The following RBM33 variants were observed in gnomAD, a reference collection of about 807,000 sequenced individuals.
RBM33 encodes RNA-binding protein 33.
RBM33 carries 28 observed loss-of-function variants against 132.6 expected under a neutral mutation model. The ratio of observed to expected loss-of-function variants is 0.21; its 90% CI spans 0.16 to 0.29. The LOEUF (loss-of-function observed/expected upper bound fraction) is 0.29. Among genes scored for constraint, RBM33 ranks in the 10% least tolerant of loss-of-function variants. RBM33 has a pLI of 1.00. For synonymous variants in RBM33, 634 were observed against 593.0 expected (o/e 1.07, Z -1.01); for missense variants, 1,291 against 1,518.5 (o/e 0.85, Z 2.49).
At chr7:155,729,621 C>A (rs186451764) in intron 9 of RBM33, among the ~76,000 whole-genome samples, 2 of 151,520 alleles carry the variant, frequency 1.3e-5, no homozygotes, top group African/African-American at 4.9e-5. Flanking sequence ...CCTGTAGTCC[C>A]GGGTTCTCTG....
intron 13 of RBM33, 82 bp downstream of exon 13, chr7:155,742,188 C>A: frequency 7.8e-7 from 1 of 1,285,484 alleles, no homozygotes; most frequent in Non-Finnish European, 1.0e-6. Flanking sequence ...TTCACTCTCA[C>A]TAAGTTATTC....
intron 6 of RBM33, among the ~76,000 whole-genome samples, chr7:155,703,569 G>C (rs947748676): frequency 3.4e-4 from 52 of 152,186 alleles, no homozygotes; most frequent in African/African-American, 1.2e-3. Flanking sequence ...TTGGAAACAT[G>C]AGTTTCAGAT....
chr7:155,721,803 G>A (rs1418261692), intron 9 of RBM33, among the ~76,000 whole-genome samples: 3 of 151,950 alleles, frequency 2.0e-5, no homozygotes, highest in Non-Finnish European at 1.5e-5. Context: ...TGGTATTCTG[G>A]GCTTTGCTTG....
chr7:155,701,082 G>A (rs1229120205), intron 6 of RBM33, 138 bp downstream of exon 6: 2 of 723,210 alleles, frequency 2.8e-6, no homozygotes, highest in Non-Finnish European at 5.0e-6. Context: ...CCGGACTTTG[G>A]AGTGAGTGCT....
intron 14 of RBM33, among the ~76,000 whole-genome samples, chr7:155,761,043 T>C (rs1802019721): frequency 1.3e-5 from 2 of 152,218 alleles, no homozygotes; most frequent in African/African-American, 4.8e-5. Flanking sequence ...TCTGGCTCAG[T>C]CACCCGCAGC....
chr7:155,689,997 A>G (rs923164681), intron 5 of RBM33, among the ~76,000 whole-genome samples: 2 of 152,216 alleles, frequency 1.3e-5, no homozygotes, highest in African/African-American at 4.8e-5. Context: ...CGCTTGGTGC[A>G]GAGCTGAGTT....
chr7:155,775,145 G>A lies in RBM33; in HGVS notation c.*104G>A. On this transcript the variant is annotated 3_prime_UTR_variant, in exon 18 of 18. Transcript: ENST00000401878. Reference sequence around the variant, plus strand: ...CCCCCAGGAGCACAGGTCTCTCCGGGCCGCTGTCCTGCGTAACTGTTCTCC... The same window carrying A: ...CCCCCAGGAGCACAGGTCTCTCCGGACCGCTGTCCTGCGTAACTGTTCTCC... 9.8e-7 allele frequency: 1 copy of A among 1,022,292 alleles called. No individual in the cohort carries two copies. Among genetic ancestry groups the A allele is most frequent in the Non-Finnish European group, 1.5e-6 (1 of 646,486 alleles). The allele number at this position is 1,022,292 out of a possible 1,614,324, so 63.3% of individuals were successfully genotyped here. A position where few individuals can be genotyped will look rare whatever the true frequency, so the allele number is the denominator to read the frequency against.
chr7:155,765,158 T>A (rs1802171603), intron 15 of RBM33, among the ~76,000 whole-genome samples: 1 of 152,216 alleles, frequency 6.6e-6, no homozygotes, highest in African/African-American at 2.4e-5. Flanking sequence ...GGTCATGATG[T>A]TTCCTATCTT....
chr7:155,718,862 AAG>A (rs1197492002), intron 9 of RBM33, among the ~76,000 whole-genome samples: 1 of 152,190 alleles, frequency 6.6e-6, no homozygotes, highest in Non-Finnish European at 1.5e-5. Context: ...TGTATTTTAA[AAG>A]AACCTCTAGG....
chr7:155,707,538 A>C (rs1800151645), intron 7 of RBM33, among the ~76,000 whole-genome samples: 1 of 152,180 alleles, frequency 6.6e-6, no homozygotes, highest in Non-Finnish European at 1.5e-5. Context: ...CCTCCATACA[A>C]AGCTTTCATA....
chr7:155,732,774 G>A (rs1800993476), intron 9 of RBM33, among the ~76,000 whole-genome samples: 1 of 152,222 alleles, frequency 6.6e-6, no homozygotes, highest in Non-Finnish European at 1.5e-5. Flanking sequence ...AGAGGGGACA[G>A]CTGTGTGGTG....
chr7:155,769,982 A>G (rs1277299581), intron 16 of RBM33, among the ~76,000 whole-genome samples: 1 of 152,228 alleles, frequency 6.6e-6, no homozygotes, highest in East Asian at 1.9e-4. Context: ...GACCTGTGTG[A>G]GAACACAGAG....
chr7:155,744,363 T>C (rs1801447497), intron 13 of RBM33, among the ~76,000 whole-genome samples: 1 of 152,248 alleles, frequency 6.6e-6, no homozygotes. Flanking sequence ...ACTTGGAATA[T>C]TAAAGGCGTT....
At chr7:155,742,196 T>C (rs760167563) in intron 13 of RBM33, 90 bp downstream of exon 13, 28 of 1,270,228 alleles carry the variant, frequency 2.2e-5, no homozygotes, top group Admixed American at 3.0e-5. Context: ...CACTAAGTTA[T>C]TCACAAAATC....
intron 8 of RBM33, among the ~76,000 whole-genome samples, chr7:155,713,291 G>A (rs1366918858): frequency 6.6e-6 from 1 of 152,108 alleles, no homozygotes; most frequent in African/African-American, 2.4e-5. Context: ...TGGGCTCAAA[G>A]TACAGGTCAG....
At chr7:155,767,686 A>G (rs1802270412) in intron 16 of RBM33, among the ~76,000 whole-genome samples, 1 of 152,252 alleles carries the variant, frequency 6.6e-6, no homozygotes, top group Non-Finnish European at 1.5e-5. Flanking sequence ...TTTCATTTTT[A>G]TTGGTGTGTA....
At chr7:155,771,441 AG>A (rs1585554538) in intron 16 of RBM33, among the ~76,000 whole-genome samples, 1 of 152,220 alleles carries the variant, frequency 6.6e-6, no homozygotes, top group Non-Finnish European at 1.5e-5. Context: ...AGCAAATTTT[AG>A]GGCAGCACGC....
intron 3 of RBM33, 32 bp from the exon 4 acceptor site, chr7:155,678,576 C>T (rs1344672707): frequency 1.6e-6 from 2 of 1,271,052 alleles, no homozygotes; most frequent in South Asian, 2.7e-5. Flanking sequence ...ATGGAAGTGA[C>T]ACACATTAAT....
rs1799473444 is a variant in RBM33 at position 155,686,201 on chromosome 7, A to G, written c.567+5293A>G. ...AAGAACTAAGACAAAGCTAAAGAAGATATTAAAAGTGTGCAGAGAGTAGAG... is the reference window on the plus strand; with the variant it reads ...AAGAACTAAGACAAAGCTAAAGAAGGTATTAAAAGTGTGCAGAGAGTAGAG... On this transcript the variant is annotated intron_variant, in intron 5 of 17. Transcript: ENST00000401878. 2.0e-5 allele frequency among the ~76,000 whole-genome samples: 3 copies of G among 152,374 alleles called. No individual in the cohort carries two copies. In the South Asian group the frequency reaches 6.2e-4, roughly 32 times the overall value.
Sources: allele counts gnomAD v4.1 joint callset (sites outside exome capture counted in the v4.1 genomes callset), GRCh38; gene constraint gnomAD v4.1.1; transcripts MANE v1.5; gene names NCBI Gene and HGNC (gene_info 2026-07-23, HGNC 2026-07-21).